NRG1: variants seen among roughly 807,000 people sequenced by gnomAD.
NRG1 encodes the protein pro-neuregulin-1, membrane-bound isoform.
Under a neutral mutation model 63.8 loss-of-function variants are expected in NRG1, and 18 were observed. That is an observed-to-expected ratio of 0.28 (90% confidence interval 0.19 to 0.42). NRG1 has a LOEUF of 0.42. Among genes scored for constraint, NRG1 ranks in the 10% least tolerant of loss-of-function variants. NRG1 has a pLI of 1.00. For synonymous variants in NRG1, 302 were observed against 301.3 expected (o/e 1.00, Z -0.02); for missense variants, 762 against 814.7 (o/e 0.94, Z 0.79).
chr8:31,895,221 T>A (rs1252304660), intron 1 of NRG1, among the ~76,000 whole-genome samples: 4 of 152,216 alleles, frequency 2.6e-5, no homozygotes, highest in Non-Finnish European at 5.9e-5. Flanking sequence ...TGTATTTTCA[T>A]TTTATTGATT....
intron 1 of NRG1, among the ~76,000 whole-genome samples, chr8:32,017,086 T>C (rs1169135939): frequency 6.6e-6 from 1 of 152,220 alleles, no homozygotes; most frequent in Non-Finnish European, 1.5e-5. Context: ...ATGGTTACTA[T>C]TTATGACTAG....
intron 1 of NRG1, among the ~76,000 whole-genome samples, chr8:32,472,286 C>G (rs981756327): frequency 6.6e-6 from 1 of 152,218 alleles, no homozygotes; most frequent in African/African-American, 2.4e-5. Flanking sequence ...TCTCCAGCCT[C>G]AGCCTCCTGA....
intron 1 of NRG1, among the ~76,000 whole-genome samples, chr8:31,776,494 T>C (rs1819152251): frequency 1.3e-5 from 2 of 152,206 alleles, no homozygotes; most frequent in East Asian, 3.8e-4. Context: ...ATGCCCATGC[T>C]CTTGTCAGGC....
At chr8:31,857,337 G>C (rs1466756718) in intron 1 of NRG1, among the ~76,000 whole-genome samples, 2 of 152,218 alleles carry the variant, frequency 1.3e-5, no homozygotes, top group African/African-American at 4.8e-5. Flanking sequence ...TAAGCCGGTT[G>C]GAAAAGCGCA....
intron 7 of NRG1, among the ~76,000 whole-genome samples, chr8:32,743,596 A>ATATATATATATAT (rs58229077): frequency 2.8e-4 from 40 of 143,868 alleles, no homozygotes; most frequent in Middle Eastern, 3.8e-3. Context: ...ATATATATAT[A>ATATATATATATAT]AAACTTAATA....
chr8:32,473,153 A>G (rs1824056724), intron 1 of NRG1, among the ~76,000 whole-genome samples: 1 of 152,214 alleles, frequency 6.6e-6, no homozygotes, highest in African/African-American at 2.4e-5. Flanking sequence ...ACATATCTAC[A>G]TATGTACATG....
At chr8:31,705,013 T>C (rs1811004675) in intron 1 of NRG1, among the ~76,000 whole-genome samples, 1 of 151,814 alleles carries the variant, frequency 6.6e-6, no homozygotes, top group Non-Finnish European at 1.5e-5. Context: ...TGTAGCTACA[T>C]GAGGAGAGCA....
At chr8:31,970,498 T>G (rs933131806) in intron 1 of NRG1, among the ~76,000 whole-genome samples, 1 of 152,188 alleles carries the variant, frequency 6.6e-6, no homozygotes, top group Non-Finnish European at 1.5e-5. Context: ...GGTGATGGTC[T>G]TTTCAGGAAG....
At chr8:32,675,083 A>C (rs1271850740) in intron 5 of NRG1, among the ~76,000 whole-genome samples, 3 of 152,198 alleles carry the variant, frequency 2.0e-5, no homozygotes, top group Non-Finnish European at 4.4e-5. Flanking sequence ...AATGGCTCTC[A>C]TGGTACTGAA....
chr8:31,907,254 T>G (rs1040951313), intron 1 of NRG1, among the ~76,000 whole-genome samples: 1 of 152,110 alleles, frequency 6.6e-6, no homozygotes, highest in Non-Finnish European at 1.5e-5. Flanking sequence ...CCAGCCTTAT[T>G]TTTCCTCAGC....
chr8:32,136,028 T>A (rs575181246), intron 1 of NRG1, among the ~76,000 whole-genome samples: 1 of 152,258 alleles, frequency 6.6e-6, no homozygotes, highest in Admixed American at 6.5e-5. Flanking sequence ...ACAGTGCAGA[T>A]GAGGGTGGTG....
At chr8:32,465,884 G>A (rs1318060144) in intron 1 of NRG1, among the ~76,000 whole-genome samples, 3 of 152,028 alleles carry the variant, frequency 2.0e-5, no homozygotes, top group Non-Finnish European at 2.9e-5. Flanking sequence ...ATACAAAAAA[G>A]TATATTTACA....
chr8:32,292,464 A>G (rs1854316135), intron 1 of NRG1, among the ~76,000 whole-genome samples: 1 of 152,186 alleles, frequency 6.6e-6, no homozygotes. Context: ...CATCTCAGCA[A>G]CTATTATTGA....
chr8:32,648,478 T>C lies in NRG1; in HGVS notation c.502+31593T>C, dbSNP rs1326100459. On this transcript the variant is annotated intron_variant, in intron 5 of 11. Coordinates refer to ENST00000356819, the Ensembl canonical transcript of NRG1. ...GACATTTCCCTTTCTTCTTGCATTT[T>C]AGTTGCCTGGTTTTGTTTAAGCAAA... 3.0e-5 allele frequency: 44 copies of C among 1,481,752 alleles called. No homozygotes were observed. In the East Asian group the frequency reaches 1.0e-3, roughly 35 times the overall value. The allele number at this position is 1,481,752 out of a possible 1,614,324, so 91.8% of individuals were successfully genotyped here. A position where few individuals can be genotyped will look rare whatever the true frequency, so the allele number is the denominator to read the frequency against.
chr8:31,834,585 C>A (rs1196261183), intron 1 of NRG1, among the ~76,000 whole-genome samples: 1 of 152,104 alleles, frequency 6.6e-6, no homozygotes, highest in South Asian at 2.1e-4. Context: ...GTGGTGTATG[C>A]CTGCAGTCCC....
At chr8:32,048,786 C>T (rs1821506155) in intron 1 of NRG1, among the ~76,000 whole-genome samples, 2 of 151,858 alleles carry the variant, frequency 1.3e-5, no homozygotes, top group South Asian at 4.1e-4. Flanking sequence ...AGTGTCTATT[C>T]AGATATTTTG....
chr8:32,712,031 C>T (rs976329644), intron 5 of NRG1, among the ~76,000 whole-genome samples: 6 of 152,056 alleles, frequency 3.9e-5, no homozygotes, highest in South Asian at 2.1e-4. Context: ...ATTATTATTA[C>T]CCTTACCGTA....
At chr8:31,871,545 T>C (rs1429509680) in intron 1 of NRG1, among the ~76,000 whole-genome samples, 2 of 152,068 alleles carry the variant, frequency 1.3e-5, no homozygotes, top group Non-Finnish European at 2.9e-5. Flanking sequence ...ACCATGTGGG[T>C]AAGCGGGGTG....
At chr8:32,123,631 TTA>T in intron 1 of NRG1, among the ~76,000 whole-genome samples, 1 of 148,794 alleles carries the variant, frequency 6.7e-6, no homozygotes, top group South Asian at 2.1e-4. Flanking sequence ...CATTGTGCAT[TTA>T]TATATCATAA....
Sources: allele counts gnomAD v4.1 joint callset (sites outside exome capture counted in the v4.1 genomes callset), GRCh38; gene constraint gnomAD v4.1.1; transcripts MANE v1.5; gene names NCBI Gene and HGNC (gene_info 2026-07-23, HGNC 2026-07-21).